The following LAMA1 variants were observed in gnomAD, a reference collection of about 807,000 sequenced individuals.
LAMA1 encodes the protein laminin subunit alpha 1.
A neutral mutation model predicts 348.7 loss-of-function variants in LAMA1; 219 were observed. That is an observed-to-expected ratio of 0.63 (90% CI 0.56 to 0.70). The LOEUF (loss-of-function observed/expected upper bound fraction) is 0.70, where lower values mean the gene tolerates loss of function less well. Ranked by LOEUF, LAMA1 falls within the 30% of genes least tolerant of loss-of-function variation. LAMA1 has a pLI of 0.00. For missense variants in LAMA1, 3,744 were observed against 3,888.0 expected (o/e 0.96, Z 0.99); for synonymous variants, 1,487 against 1,491.0 (o/e 1.00, Z 0.06).
At chr18:7,030,834 C>G (rs1033620171) in intron 16 of LAMA1, among the ~76,000 whole-genome samples, 1 of 149,608 alleles carries the variant, frequency 6.7e-6, no homozygotes, top group Non-Finnish European at 1.5e-5. Flanking sequence ...CTGTACCCCC[C>G]ACCCCACCCC....
At chr18:7,090,818 A>C (rs2058237023) in intron 1 of LAMA1, among the ~76,000 whole-genome samples, 1 of 152,116 alleles carries the variant, frequency 6.6e-6, no homozygotes, top group Non-Finnish European at 1.5e-5. Flanking sequence ...TAACAAGTTG[A>C]TTTCTTTTCC....
intron 23 of LAMA1, among the ~76,000 whole-genome samples, chr18:7,012,360 T>C (rs1043714637): frequency 5.9e-5 from 9 of 151,916 alleles, no homozygotes; most frequent in Admixed American, 5.2e-4. Context: ...ATCTTGGAAG[T>C]GTTTGGAAAA....
In LAMA1 at chr18:7,009,270, C is replaced by T. The variant is rs773190241; in HGVS notation, c.3970G>A (p.Ala1324Thr). 2 of 1,614,028 alleles carry T rather than the reference C, an allele frequency of 1.2e-6. No individual in the cohort carries two copies. The highest frequency in any genetic ancestry group is 4.5e-5 in the East Asian group (2 of 44,870). Residue 1324 changes from alanine to threonine, a missense_variant, in exon 27 of 63, where the codon GCA becomes ACA. Physicochemically the swap from Ala to Thr is moderately conservative, Grantham distance 58 (BLOSUM62 0). Transcript: ENST00000389658. The part of the protein sequence containing the change: ...LSDIEYILIK[A>T]SYGQGLQQSR... ...TGCTGTAATCCTTGACCATACGATGCCTTGATGAGGATGTACTCAATATCG... is the reference window on the plus strand; with the variant it reads ...TGCTGTAATCCTTGACCATACGATGTCTTGATGAGGATGTACTCAATATCG...
Position 6,973,109 on chromosome 18 carries a change from T to A in LAMA1, c.6722A>T (p.Asp2241Val), listed in dbSNP as rs763590733. The A allele has an allele frequency of 4.3e-6, 7 of 1,614,078 alleles. No homozygotes were observed. Among genetic ancestry groups the A allele is most frequent in the African/African-American group, 1.3e-5 (1 of 74,950 alleles). ...SKSPGTANVLDVNNSTLMFVG... is the reference protein window; with the variant it reads ...SKSPGTANVLVVNNSTLMFVG... Reference sequence around the variant, plus strand: ...AAACATGAGTGTTGAATTGTTTACATCCAGAACATTAGCTGTCCCAGGGGA... The same window carrying A: ...AAACATGAGTGTTGAATTGTTTACAACCAGAACATTAGCTGTCCCAGGGGA... Residue 2241 changes from aspartate to valine, a missense_variant, in exon 47 of 63, where the codon GAT (aspartate) becomes GTT (valine). Physicochemically the swap from Asp to Val is radical, Grantham distance 152 (BLOSUM62 -3). Transcript: ENST00000389658.
At position 7,078,159 on chromosome 18, in the gene LAMA1, T is replaced by G. The variant is rs35895506; in HGVS notation, c.345+1816A>C. Among the ~76,000 whole-genome samples, 161 of 86,898 alleles carry G rather than the reference T, an allele frequency of 1.9e-3. No homozygotes were observed. In the East Asian group the frequency reaches 0.02, roughly 11 times the overall value. The allele number at this position is 86,898 out of a possible 152,430, so 57.0% of individuals were successfully genotyped here. Reference sequence around the variant, plus strand: ...TTTTTATTTTTTTTTGTTTTTTATTTTATTTTATTTTATTTTATTTTTTTT... The same window carrying G: ...TTTTTATTTTTTTTTGTTTTTTATTGTATTTTATTTTATTTTATTTTTTTT... On this transcript the variant is annotated intron_variant, in intron 3 of 62. Coordinates refer to ENST00000389658, the MANE Select transcript of LAMA1 (RefSeq NM_005559.4).
intron 49 of LAMA1, chr18:6,965,835 C>A: frequency 2.4e-6 from 1 of 411,792 alleles, no homozygotes; most frequent in South Asian, 2.7e-5. Flanking sequence ...CACAGTGAAC[C>A]CAGAACAAGA....
intron 14 of LAMA1, 36 bp downstream of exon 14, chr18:7,034,443 T>G: frequency 6.8e-7 from 1 of 1,477,648 alleles, no homozygotes; most frequent in African/African-American, 1.4e-5. Context: ...TGGAAGTACC[T>G]TCACCGTAAG....
At chr18:7,003,789 T>C (rs923729697) in intron 29 of LAMA1, among the ~76,000 whole-genome samples, 1 of 152,194 alleles carries the variant, frequency 6.6e-6, no homozygotes, top group African/African-American at 2.4e-5. Context: ...AAAGACATCT[T>C]GTTACATGTT....
At chr18:7,099,408 A>G (rs1462058290) in intron 1 of LAMA1, among the ~76,000 whole-genome samples, 2 of 151,556 alleles carry the variant, frequency 1.3e-5, no homozygotes, top group Admixed American at 6.6e-5. Flanking sequence ...TCCCTCCACT[A>G]TTGTCCTATG....
In LAMA1 at chr18:6,961,580, A is replaced by T; in HGVS notation, c.7626+6T>A. 1.9e-6 allele frequency: 3 copies of T among 1,612,822 alleles called. No homozygotes were observed. The South Asian group carries it at 3.3e-5, about 18-fold the overall frequency. ...CTTGGGGCTCAGGAGCACTGGCCCT[A>T]CTCACCACGTGTGCTTCCTCACGAT... On this transcript the variant is annotated splice_donor_region_variant and intron_variant, in intron 53 of 62. Coordinates refer to ENST00000389658, the MANE Select transcript of LAMA1 (RefSeq NM_005559.4).
At chr18:7,095,122 TTCTC>T (rs71165720) in intron 1 of LAMA1, among the ~76,000 whole-genome samples, 10,782 of 126,304 alleles carry the variant, frequency 0.085, 1,019 homozygotes, top group African/African-American at 0.24. Context: ...CTCAGGACCT[TTCTC>T]TCTCTCTCTC....
rs149925157 is a variant in LAMA1 at position 7,027,669 on chromosome 18, G to A, written c.2275-1563C>T. Among the ~76,000 whole-genome samples, 439 of 152,256 alleles carry A rather than the reference G, an allele frequency of 2.9e-3. 2 individuals are homozygous for A. Among genetic ancestry groups the A allele is most frequent in the African/African-American group, 8.9e-3 (368 of 41,566 alleles). On this transcript the variant is annotated intron_variant, in intron 16 of 62. Transcript: ENST00000389658. ...TTTAAAACACTGTTATAGGCCAGGC[G>A]CGGTGGTTCACGCCTGTAATCCCAG... is the stretch of plus-strand genomic sequence containing the variant.
intron 1 of LAMA1, among the ~76,000 whole-genome samples, chr18:7,110,693 G>A (rs2058332047): frequency 6.6e-6 from 1 of 152,068 alleles, no homozygotes; most frequent in Non-Finnish European, 1.5e-5. Flanking sequence ...ATGGTGGTGG[G>A]CGCCTATAAT....
chr18:7,097,295 A>T (rs116289081), intron 1 of LAMA1, among the ~76,000 whole-genome samples: 2,588 of 152,228 alleles, frequency 0.017, 76 homozygotes, highest in African/African-American at 0.059. Flanking sequence ...AAAAAAAAGA[A>T]TGAAAGAAAT....
At chr18:6,981,820 T>C (rs947689897) in intron 41 of LAMA1, among the ~76,000 whole-genome samples, 3 of 152,194 alleles carry the variant, frequency 2.0e-5, no homozygotes, top group African/African-American at 7.2e-5. Flanking sequence ...GAAATCTTGG[T>C]ATTTTTGATC....
intron 36 of LAMA1, among the ~76,000 whole-genome samples, chr18:6,986,715 G>C (rs17519184): frequency 2.0e-5 from 3 of 151,994 alleles, no homozygotes; most frequent in Admixed American, 6.5e-5. Context: ...AAGTTAAGCC[G>C]GTTAGGATGA....
At chr18:7,005,668 A>T (rs1413261611) in intron 29 of LAMA1, among the ~76,000 whole-genome samples, 4 of 152,186 alleles carry the variant, frequency 2.6e-5, no homozygotes, top group Non-Finnish European at 5.9e-5. Flanking sequence ...GAATTGCTTG[A>T]AGCCAAGAGG....
rs748738865 is a variant in LAMA1 at position 6,948,424 on chromosome 18, C to T, written c.8689G>A (p.Gly2897Arg). 8.7e-6 allele frequency: 14 copies of T among 1,614,064 alleles called. No individual in the cohort carries two copies. The highest frequency in any genetic ancestry group is 1.3e-5 in the African/African-American group (1 of 74,916). ...ATACCAAGAGCTGCATATCCGCTTC[C>T]GTCAAAGTATGTTCCTTCCTGGGCC... is the stretch of plus-strand genomic sequence containing the variant. ...AVAQEGTYFD[G>R]SGYAALVKEG... Residue 2897 changes from glycine to arginine, a missense_variant, in exon 60 of 63, where the codon GGA becomes AGA. Coordinates refer to ENST00000389658, the MANE Select transcript of LAMA1 (RefSeq NM_005559.4).
intron 37 of LAMA1, 101 bp from the exon 38 acceptor site, chr18:6,985,744 C>CTTTTA: frequency 1.3e-6 from 1 of 743,350 alleles, no homozygotes; most frequent in East Asian, 2.5e-5. Context: ...ATGGGACTCA[C>CTTTTA]TTTTATTTTA....
Sources: allele counts gnomAD v4.1 joint callset (sites outside exome capture counted in the v4.1 genomes callset), GRCh38; gene constraint gnomAD v4.1.1; transcripts MANE v1.5; gene names NCBI Gene and HGNC (gene_info 2026-07-23, HGNC 2026-07-21).